The following MIF4GD variants were observed in gnomAD, a reference collection of about 807,000 sequenced individuals.
MIF4GD encodes the protein MIF4G domain-containing protein.
In MIF4GD, 22 loss-of-function variants were observed where a neutral mutation model predicts 26.7. The ratio of observed to expected loss-of-function variants is 0.82; its 90% CI spans 0.59 to 1.18. MIF4GD has a LOEUF of 1.18. Among genes scored for constraint, MIF4GD ranks in the 50% most tolerant of loss-of-function variants. The pLI, the probability that MIF4GD is intolerant of heterozygous loss-of-function variation, is 0.00. For missense variants in MIF4GD, 262 were observed against 279.6 expected, an observed-to-expected ratio of 0.94 and a Z score of 0.45; for synonymous variants, 137 against 111.6, an observed-to-expected ratio of 1.23 and a Z score of -1.43.
chr17:75,267,649 G>A lies in MIF4GD; in HGVS notation c.349-19C>T. ...TGTTCACCTGTGAGGAAGAGGAGGG[G>A]TCAGAGCACCAGGCTTAGTGGCCAA... On this transcript the variant is annotated intron_variant, in intron 4 of 5. Transcript: ENST00000325102. 6.2e-7 allele frequency: 1 copy of A among 1,614,050 alleles called. No individual in the cohort carries two copies. The highest frequency in any genetic ancestry group is 8.5e-7 in the Non-Finnish European group (1 of 1,179,910).
At position 75,270,060 on chromosome 17, in the gene MIF4GD, A is replaced by C. The variant is rs1329602983; in HGVS notation, c.82+54T>G. 2.0e-6 allele frequency: 3 copies of C among 1,505,754 alleles called. No individual in the cohort carries two copies. The highest frequency in any genetic ancestry group is 2.8e-6 in the Non-Finnish European group (3 of 1,083,106). 93.3% of individuals were successfully genotyped at this position (1,505,754 alleles called of 1,614,324 possible). On this transcript the variant is annotated intron_variant, in intron 2 of 5. Transcript: ENST00000325102. This position sits in a 1 kb window ranked among gnomAD's most constrained non-coding sequence, Gnocchi z 5.7. ...AGGCTCAGCCTCTGGTGCTGCCCACAGGGGCCCTTCTCTGTAGCTCCTGAC... is the reference window on the plus strand; with the variant it reads ...AGGCTCAGCCTCTGGTGCTGCCCACCGGGGCCCTTCTCTGTAGCTCCTGAC...
Position 75,270,063 on chromosome 17 carries a change from G to A in MIF4GD, c.82+51C>T, listed in dbSNP as rs1220863936. On this transcript the variant is annotated intron_variant, in intron 2 of 5. Transcript: ENST00000325102. The surrounding 1 kb of genome is among the most constrained non-coding windows in gnomAD (Gnocchi z 5.7). ...CTCAGCCTCTGGTGCTGCCCACAGG[G>A]GCCCTTCTCTGTAGCTCCTGACCCC... 2.0e-6 allele frequency: 3 copies of A among 1,525,666 alleles called. No homozygotes were observed. The East Asian group carries it at 6.8e-5, about 34-fold the overall frequency. The allele number at this position is 1,525,666 out of a possible 1,614,324, so 94.5% of individuals were successfully genotyped here.
At chr17:75,269,002 CAAA>C (rs59896034) in intron 2 of MIF4GD, among the ~76,000 whole-genome samples, 1 of 138,396 alleles carries the variant, frequency 7.2e-6, no homozygotes, top group South Asian at 2.3e-4. Flanking sequence ...GAAACTGTCT[CAAA>C]AAAAAAAAAG....
rs1303905751 is a variant in MIF4GD at position 75,267,867 on chromosome 17, CG to C, written c.226del (p.Arg76AspfsTer40). On this transcript the variant is annotated frameshift_variant, in exon 4 of 6. Transcript: ENST00000325102. LOFTEE classifies it high-confidence loss of function. ...ESKQAGQSVF[R>X]RGLLNRLQQE... ...CTGCAGCCGGTTGAGGAGTCCACGTCGGAAGACACTCTGGCCTGCTTGTTTA... is the reference window on the plus strand; with the variant it reads ...CTGCAGCCGGTTGAGGAGTCCACGTCGAAGACACTCTGGCCTGCTTGTTTA... The C allele has an allele frequency of 6.2e-7, 1 of 1,613,664 alleles. No individual in the cohort carries two copies. Among genetic ancestry groups the C allele is most frequent in the Admixed American group, 1.7e-5 (1 of 60,024 alleles).
In MIF4GD at chr17:75,268,076, C is replaced by T. The variant is rs1038692205; in HGVS notation, c.192+7G>A. 11 of 1,613,794 alleles carry T rather than the reference C, an allele frequency of 6.8e-6. No homozygotes were observed. The highest frequency in any genetic ancestry group is 8.5e-6 in the Non-Finnish European group (10 of 1,179,752). ...AAGCAGCTTCCTTTCCTCTCCCAAC[C>T]CCCAACCTGAATGATGGCGTAGCAC... On this transcript the variant is annotated splice_region_variant and intron_variant, in intron 3 of 5. Transcript: ENST00000325102.
At chr17:75,269,744 T>TTTTC (rs2077657860) in intron 2 of MIF4GD, among the ~76,000 whole-genome samples, 1 of 95,620 alleles carries the variant, frequency 1.0e-5, no homozygotes, top group Admixed American at 1.1e-4. Context: ...TTTCTTTCTT[T>TTTTC]TTTTTTTTTT....
At chr17:75,267,927 A>G in intron 3 of MIF4GD, 26 bp from the exon 4 acceptor site, 1 of 1,606,118 alleles carries the variant, frequency 6.2e-7, no homozygotes, top group East Asian at 2.2e-5. Context: ...AGGAAGGTGA[A>G]GGGTGGGGGG....
chr17:75,267,720 T>G, intron 4 of MIF4GD, 26 bp downstream of exon 4: 1 of 1,612,110 alleles, frequency 6.2e-7, no homozygotes, highest in Non-Finnish European at 8.5e-7. Context: ...CATGTCTGCC[T>G]CCCAGGGTGG....
chr17:75,267,568 G>A lies in MIF4GD; in HGVS notation c.411C>T (p.Ala137=). The part of the protein sequence containing the change: ...NPVYDCLFRL[A]QPDSLSKEEE... Reference sequence around the variant, plus strand: ...CCTCCTTGCTCAAACTGTCTGGCTGGGCCAGCCGGAAGAGGCAGTCATAGA... The same window carrying A: ...CCTCCTTGCTCAAACTGTCTGGCTGAGCCAGCCGGAAGAGGCAGTCATAGA... Residue 137 remains alanine, a synonymous_variant, in exon 5 of 6, where the codon GCC becomes GCT. Coordinates refer to ENST00000325102, the MANE Select transcript of MIF4GD (RefSeq NM_001370592.1). 1 of 1,614,184 alleles carries A rather than the reference G, an allele frequency of 6.2e-7. No individual in the cohort carries two copies. The highest frequency in any genetic ancestry group is 8.5e-7 in the Non-Finnish European group (1 of 1,180,032).
rs926632741 is a variant in MIF4GD at position 75,266,533 on chromosome 17, C to T, written c.*207G>A. On this transcript the variant is annotated 3_prime_UTR_variant, in exon 6 of 6. Coordinates refer to ENST00000325102, the MANE Select transcript of MIF4GD (RefSeq NM_001370592.1). ...TGGGAGTTGCCCTTCTCTGCCTGGC[C>T]GTGGTGGGTTGTGGTGGGGAAAGGG... is the stretch of plus-strand genomic sequence containing the variant. The T allele has an allele frequency of 2.8e-5, 17 of 603,138 alleles. No individual in the cohort carries two copies. The highest frequency in any genetic ancestry group is 2.0e-4 in the East Asian group (7 of 35,538). The allele number at this position is 603,138 out of a possible 1,614,324, so 37.4% of individuals were successfully genotyped here. A position where few individuals can be genotyped will look rare whatever the true frequency, so the allele number is the denominator to read the frequency against.
In MIF4GD at chr17:75,266,238, A is replaced by G. The variant is rs2077480578; in HGVS notation, c.*502T>C. The G allele has an allele frequency of 2.4e-6, 1 of 416,774 alleles. No individual in the cohort carries two copies. The highest frequency in any genetic ancestry group is 4.4e-6 in the Non-Finnish European group (1 of 227,834). The allele number at this position is 416,774 out of a possible 1,614,324, so 25.8% of individuals were successfully genotyped here. A position where few individuals can be genotyped will look rare whatever the true frequency, so the allele number is the denominator to read the frequency against. ...ATATAAAGGAAGCAGTTTTAGTATC[A>G]GAAAAGATTTATTAGAAAATTCTCA... On this transcript the variant is annotated 3_prime_UTR_variant, in exon 6 of 6. Transcript: ENST00000325102.
chr17:75,268,820 A>G (rs1390896339), intron 2 of MIF4GD, among the ~76,000 whole-genome samples: 1 of 152,016 alleles, frequency 6.6e-6, no homozygotes, highest in African/African-American at 2.4e-5. Context: ...CCTGGCCAAC[A>G]TGATGAAACC....
intron 2 of MIF4GD, 98 bp from the exon 3 acceptor site, chr17:75,268,290 A>C (rs2077579182): frequency 1.1e-6 from 1 of 895,366 alleles, no homozygotes; most frequent in African/African-American, 1.6e-5. Flanking sequence ...TAGAGCACTC[A>C]TATGCTTGAA....
intron 5 of MIF4GD, 121 bp downstream of exon 5, chr17:75,267,417 G>T: frequency 1.0e-6 from 1 of 986,266 alleles, no homozygotes; most frequent in Non-Finnish European, 1.6e-6. Context: ...CACCCCCACA[G>T]TCCTGCCCCA....
rs752719695 is a variant in MIF4GD at position 75,270,063 on chromosome 17, GGC to G, written c.82+49_82+50del. ...CTCAGCCTCTGGTGCTGCCCACAGGGGCCCTTCTCTGTAGCTCCTGACCCCAG... is the reference window on the plus strand; with the variant it reads ...CTCAGCCTCTGGTGCTGCCCACAGGGCCTTCTCTGTAGCTCCTGACCCCAG... On this transcript the variant is annotated intron_variant, in intron 2 of 5. Transcript: ENST00000325102. This position sits in a 1 kb window ranked among gnomAD's most constrained non-coding sequence, Gnocchi z 5.7. The G allele has an allele frequency of 1.7e-5, 26 of 1,525,666 alleles. No individual in the cohort carries two copies. Among genetic ancestry groups the G allele is most frequent in the Non-Finnish European group, 2.4e-5 (26 of 1,100,992 alleles). 94.5% of individuals were successfully genotyped at this position (1,525,666 alleles called of 1,614,324 possible).
intron 2 of MIF4GD, among the ~76,000 whole-genome samples, chr17:75,269,856 G>A (rs2077664946): frequency 6.7e-6 from 1 of 149,730 alleles, no homozygotes; most frequent in South Asian, 2.1e-4. Flanking sequence ...TGGAACTACA[G>A]ACATGAGCCA....
chr17:75,268,684 A>AAT (rs1555598336), intron 2 of MIF4GD, among the ~76,000 whole-genome samples: 4 of 148,276 alleles, frequency 2.7e-5, no homozygotes, highest in African/African-American at 1.0e-4. Context: ...AAAAAAAAAA[A>AAT]AAAAGAAAAA....
intron 2 of MIF4GD, 122 bp from the exon 3 acceptor site, chr17:75,268,314 G>A: frequency 1.3e-6 from 1 of 753,730 alleles, no homozygotes; most frequent in East Asian, 2.7e-5. Context: ...AAAGAGATCA[G>A]AAATCATACA....
In MIF4GD at chr17:75,267,576, G is replaced by A. The variant is rs144512235; in HGVS notation, c.403C>T (p.Arg135Trp). 18 of 1,614,072 alleles carry A rather than the reference G, an allele frequency of 1.1e-5. No homozygotes were observed. Among genetic ancestry groups the A allele is most frequent in the East Asian group, 2.2e-5 (1 of 44,890 alleles). The stretch of plus-strand genomic sequence containing the variant: ...CTCAAACTGTCTGGCTGGGCCAGCC[G>A]GAAGAGGCAGTCATAGACAGGGTTC... ...LVNPVYDCLF[R>W]LAQPDSLSKE... Residue 135 changes from arginine (R) to tryptophan (W), a missense_variant, in exon 5 of 6, where the codon CGG becomes TGG. Arg to Trp is a moderately radical substitution (Grantham distance 101). Coordinates refer to ENST00000325102, the MANE Select transcript of MIF4GD (RefSeq NM_001370592.1).
Sources: allele counts gnomAD v4.1 joint callset (sites outside exome capture counted in the v4.1 genomes callset), GRCh38; gene constraint gnomAD v4.1.1; non-coding constraint Gnocchi (gnomAD v3.1); transcripts MANE v1.5; gene names NCBI Gene and HGNC (gene_info 2026-07-23, HGNC 2026-07-21).